The following FRYL variants were observed in gnomAD, a reference collection of about 807,000 sequenced individuals.
FRYL encodes the protein protein furry homolog-like.
FRYL carries 150 observed loss-of-function variants against 351.2 expected under a neutral mutation model. The ratio of observed to expected loss-of-function variants is 0.43; its 90% CI spans 0.37 to 0.49. The LOEUF is 0.49. Ranked by LOEUF, FRYL falls within the 20% of genes least tolerant of loss-of-function variation. The probability of loss-of-function intolerance (pLI) is 0.00; values close to 1 mark genes in which losing one functional copy is unlikely to be tolerated. For synonymous variants in FRYL, 1,153 were observed against 1,257.1 expected (o/e 0.92, Z 1.75); for missense variants, 3,036 against 3,619.3 (o/e 0.84, Z 4.13).
intron 1 of FRYL, among the ~76,000 whole-genome samples, chr4:48,776,747 ACT>A (rs1286838713): frequency 7.2e-5 from 11 of 152,116 alleles, no homozygotes; most frequent in Non-Finnish European, 1.2e-4. Context: ...CAGAGCACAT[ACT>A]CTGTCTCCCC....
At chr4:48,732,873 A>G (rs2149629590) in intron 1 of FRYL, among the ~76,000 whole-genome samples, 1 of 151,828 alleles carries the variant, frequency 6.6e-6, no homozygotes, top group South Asian at 2.1e-4. Context: ...GTGCGTACCT[A>G]TGAAACAAAA....
chr4:48,631,680 A>C (rs996721177), intron 4 of FRYL, among the ~76,000 whole-genome samples: 5 of 152,110 alleles, frequency 3.3e-5, no homozygotes, highest in African/African-American at 1.2e-4. Flanking sequence ...ATAATCTAGA[A>C]GTATGTACAA....
At chr4:48,779,002 C>T (rs1776327613) in intron 1 of FRYL, among the ~76,000 whole-genome samples, 2 of 12,192 alleles carry the variant, frequency 1.6e-4, no homozygotes. Context: ...CACCCTAACC[C>T]CCACCCCCTT....
At chr4:48,757,628 G>T (rs1773933971) in intron 1 of FRYL, among the ~76,000 whole-genome samples, 1 of 152,150 alleles carries the variant, frequency 6.6e-6, no homozygotes, top group South Asian at 2.1e-4. Context: ...ATGCTCATGG[G>T]TAGGAAGAAT....
intron 1 of FRYL, among the ~76,000 whole-genome samples, chr4:48,761,051 T>TG (rs1491170117): frequency 1.1e-4 from 13 of 113,114 alleles, no homozygotes; most frequent in African/African-American, 4.2e-4. Context: ...GTGTGTGTGT[T>TG]GAAGAGGAAA....
intron 7 of FRYL, among the ~76,000 whole-genome samples, chr4:48,611,428 A>G (rs1424966759): frequency 6.6e-6 from 1 of 151,888 alleles, no homozygotes; most frequent in Non-Finnish European, 1.5e-5. Flanking sequence ...TGGATATAGA[A>G]CTCACAGATA....
At chr4:48,676,100 A>G (rs1763629084) in intron 3 of FRYL, among the ~76,000 whole-genome samples, 1 of 152,116 alleles carries the variant, frequency 6.6e-6, no homozygotes, top group African/African-American at 2.4e-5. Flanking sequence ...AAAACAGGCC[A>G]CTCAGCTCTA....
At chr4:48,734,012 G>A (rs1428019907) in intron 1 of FRYL, among the ~76,000 whole-genome samples, 2 of 151,936 alleles carry the variant, frequency 1.3e-5, no homozygotes, top group African/African-American at 2.4e-5. Flanking sequence ...AAGAACAAGG[G>A]CAACAAATAG....
intron 3 of FRYL, among the ~76,000 whole-genome samples, chr4:48,663,908 G>GAAGT (rs1274842732): frequency 6.6e-6 from 1 of 151,936 alleles, no homozygotes; most frequent in Non-Finnish European, 1.5e-5. Flanking sequence ...GAACTGTGAT[G>GAAGT]AAGTGCTGTG....
At chr4:48,663,739 C>T (rs577656159) in intron 3 of FRYL, among the ~76,000 whole-genome samples, 1 of 126,512 alleles carries the variant, frequency 7.9e-6, no homozygotes, top group Non-Finnish European at 1.6e-5. Context: ...CGCGCCACTG[C>T]ACTGCAGCCT....
chr4:48,621,420 T>C (rs1750624037), intron 5 of FRYL, among the ~76,000 whole-genome samples: 1 of 152,232 alleles, frequency 6.6e-6, no homozygotes, highest in African/African-American at 2.4e-5. Context: ...ATCTGAATTC[T>C]AGGTAAACAT....
chr4:48,618,135 T>A (rs560802354), intron 7 of FRYL: 1 of 152,174 alleles, frequency 6.6e-6, no homozygotes, highest in Non-Finnish European at 1.5e-5. Context: ...GAAGTCAAAT[T>A]TGGCTTGTTA....
At chr4:48,716,677 C>A (rs1438941929) in intron 1 of FRYL, among the ~76,000 whole-genome samples, 1 of 151,528 alleles carries the variant, frequency 6.6e-6, no homozygotes. Flanking sequence ...GTTGGTGGGT[C>A]TGTAAACTTG....
intron 6 of FRYL, among the ~76,000 whole-genome samples, chr4:48,619,634 T>C (rs1275096601): frequency 2.6e-5 from 4 of 152,166 alleles, no homozygotes; most frequent in East Asian, 1.9e-4. Context: ...CCACCCCAAG[T>C]AGCTAGACTA....
chr4:48,770,595 G>A (rs1367224603), intron 1 of FRYL, among the ~76,000 whole-genome samples: 25 of 151,828 alleles, frequency 1.6e-4, no homozygotes, highest in African/African-American at 2.4e-5. Flanking sequence ...GCACTACCAC[G>A]CCTGGCTAAT....
chr4:48,559,002 G>A (rs1400120771), intron 33 of FRYL, among the ~76,000 whole-genome samples: 1 of 151,896 alleles, frequency 6.6e-6, no homozygotes, highest in South Asian at 2.1e-4. Flanking sequence ...CACAACCCTG[G>A]GTTTGAATCC....
At chr4:48,548,242 T>C (rs1486315105) in intron 40 of FRYL, among the ~76,000 whole-genome samples, 1 of 152,152 alleles carries the variant, frequency 6.6e-6, no homozygotes, top group Non-Finnish European at 1.5e-5. Flanking sequence ...ATAGATATGG[T>C]AGATCCCACA....
chr4:48,515,824 T>C (rs1723471710), intron 55 of FRYL, among the ~76,000 whole-genome samples: 2 of 152,186 alleles, frequency 1.3e-5, no homozygotes, highest in South Asian at 4.1e-4. Flanking sequence ...CTTGGAAATA[T>C]GTGCTTTGGT....
At chr4:48,636,771 T>A in intron 3 of FRYL, 1 of 152,036 alleles carries the variant, frequency 6.6e-6, no homozygotes, top group East Asian at 1.9e-4. Context: ...TAAATTTTAT[T>A]TCTTAGTAGG....
Sources: gnomAD v4.1 joint callset for allele counts (sites outside exome capture counted in the v4.1 genomes callset) on GRCh38, gnomAD v4.1.1 for gene constraint, MANE v1.5 for transcripts, NCBI Gene and HGNC (gene_info 2026-07-23, HGNC 2026-07-21) for gene names.